LRRC7: variants seen among roughly 807,000 people sequenced by gnomAD.
LRRC7 encodes the protein leucine-rich repeat-containing protein 7.
A neutral mutation model predicts 175.7 loss-of-function variants in LRRC7; 23 were observed. The observed-to-expected ratio is 0.13, with a 90% CI of 0.09 to 0.19. The LOEUF is 0.19. Ranked by LOEUF, LRRC7 falls within the 10% of genes least tolerant of loss-of-function variation. The probability of loss-of-function intolerance (pLI) is 1.00; values close to 1 mark genes in which losing one functional copy is unlikely to be tolerated. For synonymous variants in LRRC7, 685 were observed against 680.9 expected (o/e 1.01, Z -0.09); for missense variants, 1,354 against 1,904.7 (o/e 0.71, Z 5.38).
chr1:70,023,128 T>A lies in LRRC7; in HGVS notation c.1548T>A (p.Asp516Glu). 7.2e-7 allele frequency: 1 copy of A among 1,391,466 alleles called. No homozygotes were observed. The highest frequency in any genetic ancestry group is 2.6e-5 in the East Asian group (1 of 38,122). 86.2% of individuals were successfully genotyped at this position (1,391,466 alleles called of 1,614,324 possible). Residue 516 changes from aspartate (D) to glutamate (E), a missense_variant and splice_region_variant, in exon 17 of 27, where the codon GAT (aspartate) becomes GAA (glutamate). By Grantham distance (45) the Asp-to-Glu change is conservative. Coordinates refer to ENST00000651989, the MANE Select transcript of LRRC7 (RefSeq NM_001370785.2). ...AATGGAGATTCCTTCTCCCACAGGATCTCTCCTGCCAAGCCCCCTGGGAAA... is the reference window on the plus strand; with the variant it reads ...AATGGAGATTCCTTCTCCCACAGGAACTCTCCTGCCAAGCCCCCTGGGAAA... ...EDDENAGKVK[D>E]LSCQAPWERG...
chr1:69,751,137 A>G (rs1669807618), intron 2 of LRRC7, among the ~76,000 whole-genome samples: 1 of 152,196 alleles, frequency 6.6e-6, no homozygotes, highest in Admixed American at 6.6e-5. Context: ...TGTAAAAAGG[A>G]TAAAACTCTA....
At chr1:70,026,924 CA>C (rs985428766) in intron 17 of LRRC7, among the ~76,000 whole-genome samples, 44 of 152,136 alleles carry the variant, frequency 2.9e-4, no homozygotes, top group African/African-American at 1.1e-3. Flanking sequence ...TGCAGATGGG[CA>C]AAAGTGTTTG....
chr1:69,796,879 A>G (rs1675851502), intron 4 of LRRC7, among the ~76,000 whole-genome samples: 1 of 152,040 alleles, frequency 6.6e-6, no homozygotes, highest in Non-Finnish European at 1.5e-5. Flanking sequence ...CACTGTATAC[A>G]TAAGGAGAAT....
rs1238658402 is a variant in LRRC7 at position 69,884,340 on chromosome 1, A to G, written c.647+46057A>G. On this transcript the variant is annotated intron_variant, in intron 7 of 26. Coordinates refer to ENST00000651989, the MANE Select transcript of LRRC7 (RefSeq NM_001370785.2). ...TGAAGAGGTCCTTCACATCCCTTGT[A>G]AGTTGGATTCCTAGGTATTTTATTC... is the stretch of plus-strand genomic sequence containing the variant. 1.9e-4 allele frequency among the ~76,000 whole-genome samples: 18 copies of G among 92,982 alleles called. 3 individuals are homozygous for G. In the South Asian group the frequency reaches 5.9e-3, roughly 31 times the overall value. 61.0% of individuals were successfully genotyped at this position (92,982 alleles called of 152,430 possible).
At chr1:70,009,351 CTTTCT>C (rs1198394840) in intron 11 of LRRC7, among the ~76,000 whole-genome samples, 16 of 142,352 alleles carry the variant, frequency 1.1e-4, no homozygotes, top group Admixed American at 6.9e-5. Context: ...TTCTTTCTTT[CTTTCT>C]TTTTTTTTTT....
At chr1:70,070,500 G>T (rs1245212664) in intron 23 of LRRC7, among the ~76,000 whole-genome samples, 1 of 152,024 alleles carries the variant, frequency 6.6e-6, no homozygotes, top group Non-Finnish European at 1.5e-5. Flanking sequence ...GGTATGATGA[G>T]TGATTTTTTA....
rs576298117 is a variant in LRRC7, at chr1:69,994,457, G to C, written c.932-104G>C. On this transcript the variant is annotated intron_variant, in intron 10 of 26. Coordinates refer to ENST00000651989, the MANE Select transcript of LRRC7 (RefSeq NM_001370785.2). The stretch of plus-strand genomic sequence containing the variant: ...TGTATTAGCAGAGTTTGGCCAATTA[G>C]CATGCCAAGCATTCAACACAAGTGA... 76 of 830,566 alleles carry C rather than the reference G, an allele frequency of 9.2e-5. 1 individual carries two copies. The South Asian group carries it at 1.0e-3, about 11-fold the overall frequency. The allele number at this position is 830,566 out of a possible 1,614,324, so 51.4% of individuals were successfully genotyped here.
At chr1:69,689,067 C>T (rs1001432141) in intron 2 of LRRC7, among the ~76,000 whole-genome samples, 2 of 152,162 alleles carry the variant, frequency 1.3e-5, no homozygotes, top group African/African-American at 2.4e-5. Flanking sequence ...TCAGTTCCCT[C>T]TTTTTCTATT....
chr1:69,803,002 C>T (rs145693037), intron 4 of LRRC7, among the ~76,000 whole-genome samples: 89 of 151,320 alleles, frequency 5.9e-4, no homozygotes, highest in African/African-American at 2.1e-3. Context: ...GAATAGATGA[C>T]TGATTGTTTC....
At chr1:69,688,216 C>A (rs1042412471) in intron 2 of LRRC7, among the ~76,000 whole-genome samples, 5 of 152,180 alleles carry the variant, frequency 3.3e-5, no homozygotes, top group Admixed American at 1.3e-4. Context: ...AAGTAAGGAA[C>A]ATTAGTGAAA....
At chr1:70,069,447 T>A (rs1300257445) in intron 23 of LRRC7, among the ~76,000 whole-genome samples, 1 of 152,128 alleles carries the variant, frequency 6.6e-6, no homozygotes, top group African/African-American at 2.4e-5. Flanking sequence ...GGGGATTATA[T>A]GGATTATGAG....
At position 70,030,159 on chromosome 1, in the gene LRRC7, G is replaced by T. The variant is rs544564540; in HGVS notation, c.1995+1788G>T. The stretch of plus-strand genomic sequence containing the variant: ...AAATACCCACTTTTTGGCTTCCCTT[G>T]TCCCCAGCCTCCTCATTGCCTTGTC... On this transcript the variant is annotated intron_variant, in intron 18 of 26. Coordinates refer to ENST00000651989, the MANE Select transcript of LRRC7 (RefSeq NM_001370785.2). Among the ~76,000 whole-genome samples the T allele has an allele frequency of 7.2e-5, 11 of 152,012 alleles. No individual in the cohort carries two copies. In the Middle Eastern group the frequency reaches 0.01, roughly 141 times the overall value.
intron 2 of LRRC7, among the ~76,000 whole-genome samples, chr1:69,740,251 G>A (rs1668563269): frequency 6.6e-6 from 1 of 152,056 alleles, no homozygotes; most frequent in South Asian, 2.1e-4. Flanking sequence ...CGTGCTAGCA[G>A]AGTTAATTTA....
At chr1:69,826,972 A>G (rs1206896593) in intron 5 of LRRC7, among the ~76,000 whole-genome samples, 1 of 152,040 alleles carries the variant, frequency 6.6e-6, no homozygotes, top group African/African-American at 2.4e-5. Context: ...CTTTATAGTG[A>G]ATGGTTTGTG....
chr1:69,799,961 G>A (rs1006412249), intron 4 of LRRC7, among the ~76,000 whole-genome samples: 5 of 152,106 alleles, frequency 3.3e-5, no homozygotes, highest in African/African-American at 1.2e-4. Context: ...TCTGCATATG[G>A]CGATCCAGTT....
At chr1:70,109,317 C>T (rs545790738) in intron 26 of LRRC7, among the ~76,000 whole-genome samples, 4 of 152,214 alleles carry the variant, frequency 2.6e-5, no homozygotes, top group Admixed American at 6.5e-5. Flanking sequence ...CCACTGCGCC[C>T]GGCCTCTCCG....
intron 26 of LRRC7, among the ~76,000 whole-genome samples, chr1:70,113,872 G>A (rs960935923): frequency 1.3e-5 from 2 of 152,054 alleles, no homozygotes; most frequent in Non-Finnish European, 2.9e-5. Flanking sequence ...TAACCATACA[G>A]TCCTCTTTAC....
At chr1:69,738,033 G>A (rs943447239) in intron 2 of LRRC7, among the ~76,000 whole-genome samples, 6 of 151,916 alleles carry the variant, frequency 3.9e-5, no homozygotes, top group African/African-American at 1.5e-4. Context: ...CTGACTATTT[G>A]GCAGAAACGG....
At chr1:69,639,450 C>T (rs914618723) in intron 1 of LRRC7, among the ~76,000 whole-genome samples, 3 of 151,804 alleles carry the variant, frequency 2.0e-5, no homozygotes, top group Non-Finnish European at 4.4e-5. Context: ...CAATTATACA[C>T]CAGTACTTCT....
Sources: gnomAD v4.1 joint callset for allele counts (sites outside exome capture counted in the v4.1 genomes callset) on GRCh38, gnomAD v4.1.1 for gene constraint, MANE v1.5 for transcripts, NCBI Gene and HGNC (gene_info 2026-07-23, HGNC 2026-07-21) for gene names.